Variants in ZRANB3 observed in about 807,000 individuals in gnomAD.
ZRANB3 encodes zinc finger RANBP2-type containing 3.
A neutral mutation model predicts 133.8 loss-of-function variants in ZRANB3; 125 were observed. The observed-to-expected ratio is 0.93, with a 90% CI of 0.81 to 1.08. The LOEUF is 1.08. ZRANB3 is among the 50% of genes least tolerant of loss of function. ZRANB3 has a pLI of 0.00. For synonymous variants in ZRANB3, 387 were observed against 432.7 expected, an observed-to-expected ratio of 0.89 and a Z score of 1.31; for missense variants, 1,229 against 1,275.5, an observed-to-expected ratio of 0.96 and a Z score of 0.56.
At chr2:135,516,316 T>C (rs761577317) in intron 1 of ZRANB3, among the ~76,000 whole-genome samples, 1 of 152,212 alleles carries the variant, frequency 6.6e-6, no homozygotes, top group Non-Finnish European at 1.5e-5. Context: ...ATTATGATAC[T>C]AGCTGGTTAT....
chr2:135,252,103 A>G (rs571882445), intron 12 of ZRANB3, among the ~76,000 whole-genome samples: 34 of 152,326 alleles, frequency 2.2e-4, no homozygotes, highest in African/African-American at 8.2e-4. Flanking sequence ...TGTCTTTATC[A>G]GCAGCATAAA....
At chr2:135,267,052 T>G (rs1308490711) in intron 11 of ZRANB3, among the ~76,000 whole-genome samples, 1 of 152,218 alleles carries the variant, frequency 6.6e-6, no homozygotes, top group East Asian at 1.9e-4. Flanking sequence ...CCTGGGGCTG[T>G]GTCATGAGCC....
chr2:135,385,534 T>A lies in ZRANB3; in HGVS notation c.180+5268A>T, dbSNP rs562987586. On this transcript the variant is annotated intron_variant, in intron 3 of 20. Transcript: ENST00000264159. ...AAAAGAGCCTGTATTGCCAAGACAA[T>A]CCTACACAAAGAAAAACAAAGTTGG... 3.9e-5 allele frequency among the ~76,000 whole-genome samples: 6 copies of A among 152,134 alleles called. No individual in the cohort carries two copies. The East Asian group carries it at 1.2e-3, about 29-fold the overall frequency.
In ZRANB3 at chr2:135,402,317, C is replaced by T. The variant is rs539348075; in HGVS notation, c.162-11497G>A. The stretch of plus-strand genomic sequence containing the variant: ...TCTCTTTTTTTTTTTTTTTTTGAGA[C>T]GGAGTCTCGCTCTGTTGCCCGGGCT... On this transcript the variant is annotated intron_variant, in intron 2 of 20. Coordinates refer to ENST00000264159, the MANE Select transcript of ZRANB3 (RefSeq NM_032143.4). Among the ~76,000 whole-genome samples the T allele has an allele frequency of 7.9e-4, 111 of 139,708 alleles. No individual in the cohort carries two copies. The Middle Eastern group carries it at 0.012, about 15-fold the overall frequency. 91.7% of individuals were successfully genotyped at this position (139,708 alleles called of 152,430 possible).
chr2:135,421,751 C>T (rs758579858), intron 2 of ZRANB3, among the ~76,000 whole-genome samples: 7 of 152,060 alleles, frequency 4.6e-5, no homozygotes, highest in African/African-American at 7.2e-5. Context: ...TTAGTTAGTA[C>T]GGTGGCCTTT....
At chr2:135,500,432 A>G (rs1692884273) in intron 2 of ZRANB3, among the ~76,000 whole-genome samples, 1 of 152,196 alleles carries the variant, frequency 6.6e-6, no homozygotes. Flanking sequence ...GGGATTTTAC[A>G]TGGCAATGAG....
chr2:135,346,622 T>C (rs1684942878), intron 5 of ZRANB3, among the ~76,000 whole-genome samples: 1 of 152,216 alleles, frequency 6.6e-6, no homozygotes, highest in African/African-American at 2.4e-5. Context: ...AGGTACATGC[T>C]GTTTTAAAGT....
rs1055158419 is a variant in ZRANB3 at position 135,407,504 on chromosome 2, C to T, written c.162-16684G>A. Among the ~76,000 whole-genome samples, 74 of 146,090 alleles carry T rather than the reference C, an allele frequency of 5.1e-4. 1 individual carries two copies. The highest frequency in any genetic ancestry group is 1.9e-3 in the African/African-American group (71 of 36,438). ...GTTCATATGGAACCAAAAAAGAGCCCGCATCGCCAAGTCAATCCTAAGCCA... is the reference window on the plus strand; with the variant it reads ...GTTCATATGGAACCAAAAAAGAGCCTGCATCGCCAAGTCAATCCTAAGCCA... On this transcript the variant is annotated intron_variant, in intron 2 of 20. Coordinates refer to ENST00000264159, the MANE Select transcript of ZRANB3 (RefSeq NM_032143.4).
At chr2:135,280,848 A>G (rs1280243838) in intron 8 of ZRANB3, among the ~76,000 whole-genome samples, 1 of 152,214 alleles carries the variant, frequency 6.6e-6, no homozygotes, top group Non-Finnish European at 1.5e-5. Context: ...CCTCTTTGCA[A>G]CTAAGCCCTC....
intron 2 of ZRANB3, among the ~76,000 whole-genome samples, chr2:135,482,858 G>C (rs1049920392): frequency 4.6e-5 from 7 of 152,010 alleles, no homozygotes; most frequent in African/African-American, 1.7e-4. Context: ...GGCTTTTTCT[G>C]CATCTATTGA....
At chr2:135,502,593 C>A (rs192701806) in intron 2 of ZRANB3, among the ~76,000 whole-genome samples, 8 of 152,288 alleles carry the variant, frequency 5.3e-5, no homozygotes, top group Admixed American at 6.5e-5. Flanking sequence ...CAGATTTCAA[C>A]CAAGTCTAAA....
chr2:135,315,613 ATGAT>A, intron 6 of ZRANB3, 83 bp from the exon 7 acceptor site: 4 of 1,002,684 alleles, frequency 4.0e-6, no homozygotes, highest in South Asian at 2.5e-5. Flanking sequence ...CTTCCTTTTA[ATGAT>A]AAGGAGCCAT....
chr2:135,423,637 C>T (rs1392208163), intron 2 of ZRANB3, among the ~76,000 whole-genome samples: 1 of 151,990 alleles, frequency 6.6e-6, no homozygotes, highest in African/African-American at 2.4e-5. Flanking sequence ...CATCTACTAC[C>T]CAGAGGATTT....
chr2:135,501,830 G>A (rs997336631), intron 2 of ZRANB3, among the ~76,000 whole-genome samples: 4 of 152,108 alleles, frequency 2.6e-5, no homozygotes, highest in Non-Finnish European at 2.9e-5. Flanking sequence ...GTAATGTTAC[G>A]TCTCTCCCGT....
At chr2:135,345,676 C>A in intron 5 of ZRANB3, 41 bp from the exon 6 acceptor site, 1 of 1,340,242 alleles carries the variant, frequency 7.5e-7, no homozygotes, top group Non-Finnish European at 1.0e-6. Flanking sequence ...GTAATATTTT[C>A]AAGTAAATTA....
intron 1 of ZRANB3, among the ~76,000 whole-genome samples, chr2:135,518,198 C>T (rs1392561086): frequency 6.6e-6 from 1 of 152,078 alleles, no homozygotes; most frequent in African/African-American, 2.4e-5. Context: ...TTGCTGGGCT[C>T]CATGGGGTGG....
At chr2:135,477,442 A>C (rs1231855856) in intron 2 of ZRANB3, among the ~76,000 whole-genome samples, 1 of 152,226 alleles carries the variant, frequency 6.6e-6, no homozygotes, top group Non-Finnish European at 1.5e-5. Flanking sequence ...GGAATGGTAG[A>C]GGAAGGTCTG....
In ZRANB3 at chr2:135,198,086, T is replaced by C. The variant is rs1425961422; in HGVS notation, c.*2256A>G. ...CCTGTGTTTTCACTCCATCTCCATC[T>C]CCTGAGTGGCAGCAGCTGTCTTCTT... On this transcript the variant is annotated 3_prime_UTR_variant, in exon 21 of 21. Transcript: ENST00000264159. 2.0e-5 allele frequency: 3 copies of C among 152,292 alleles called. No individual in the cohort carries two copies. The highest frequency in any genetic ancestry group is 2.0e-4 in the Admixed American group (3 of 15,280). The allele number at this position is 152,292 out of a possible 1,614,324, so 9.4% of individuals were successfully genotyped here.
At chr2:135,307,121 C>T (rs1484495454) in intron 8 of ZRANB3, among the ~76,000 whole-genome samples, 1 of 152,166 alleles carries the variant, frequency 6.6e-6, no homozygotes, top group Non-Finnish European at 1.5e-5. Context: ...GGCTGGAGTG[C>T]AGTGGCATGA....
Sources: gnomAD v4.1 joint callset for allele counts (sites outside exome capture counted in the v4.1 genomes callset) on GRCh38, gnomAD v4.1.1 for gene constraint, MANE v1.5 for transcripts, NCBI Gene and HGNC (gene_info 2026-07-23, HGNC 2026-07-21) for gene names.